TMEFF1: variants seen among roughly 807,000 people sequenced by gnomAD.
The protein encoded by TMEFF1 is transmembrane protein with EGF like and two follistatin like domains 1.
TMEFF1 carries 20 observed loss-of-function variants against 47.5 expected under a neutral mutation model. That is an observed-to-expected ratio of 0.42 (90% CI 0.30 to 0.61). The LOEUF is 0.61. TMEFF1 is among the 20% of genes least tolerant of loss of function. The pLI is 0.19. For synonymous variants in TMEFF1, 162 were observed against 166.3 expected, an observed-to-expected ratio of 0.97 and a Z score of 0.20; for missense variants, 411 against 471.1, an observed-to-expected ratio of 0.87 and a Z score of 1.18.
intron 5 of TMEFF1, chr9:100,518,557 T>C: frequency 4.2e-6 from 4 of 954,066 alleles, no homozygotes; most frequent in Non-Finnish European, 5.0e-6. Flanking sequence ...AGGAAATTGA[T>C]GCAACAAGAG....
At position 100,577,446 on chromosome 9, in the gene TMEFF1, G is replaced by T. The variant is rs1487116297; in HGVS notation, c.*846G>T. On this transcript the variant is annotated 3_prime_UTR_variant, in exon 10 of 10. Coordinates refer to ENST00000374879, the MANE Select transcript of TMEFF1 (RefSeq NM_003692.5). The stretch of plus-strand genomic sequence containing the variant: ...CAAGACGTATATCCAAATTTGTCCT[G>T]TAGTAATAGATTAATATTCATAGAT... The T allele has an allele frequency of 6.6e-6, 1 of 152,554 alleles. No homozygotes were observed. The highest frequency in any genetic ancestry group is 2.4e-5 in the African/African-American group (1 of 41,456). 9.5% of individuals were successfully genotyped at this position (152,554 alleles called of 1,614,324 possible). A position where few individuals can be genotyped will look rare whatever the true frequency, so the allele number is the denominator to read the frequency against.
At chr9:100,536,329 A>G (rs919983166) in intron 5 of TMEFF1, among the ~76,000 whole-genome samples, 2 of 152,220 alleles carry the variant, frequency 1.3e-5, no homozygotes, top group Admixed American at 1.3e-4. Flanking sequence ...TAGGGCTCAA[A>G]AAATTTTTTA....
intron 5 of TMEFF1, chr9:100,518,293 T>G: frequency 7.7e-6 from 2 of 259,020 alleles, no homozygotes; most frequent in Non-Finnish European, 1.2e-5. Context: ...AATACATATC[T>G]TTATGTAAAC....
intron 3 of TMEFF1, among the ~76,000 whole-genome samples, chr9:100,509,642 C>T (rs199758931): frequency 2.6e-5 from 4 of 151,968 alleles, no homozygotes; most frequent in Middle Eastern, 3.2e-3. Context: ...GGTGTGGTGG[C>T]GGGCACCTGT....
chr9:100,530,365 A>G (rs1838353726), intron 5 of TMEFF1, among the ~76,000 whole-genome samples: 1 of 152,174 alleles, frequency 6.6e-6, no homozygotes, highest in Admixed American at 6.5e-5. Flanking sequence ...AAAAAGAGAG[A>G]AGAATCAAAT....
rs527788408 is a variant in TMEFF1, at chr9:100,555,604, T to C, written c.775+5444T>C. On this transcript the variant is annotated intron_variant, in intron 7 of 9. Transcript: ENST00000374879. ...ATCTGTAATTAGGGACAGTAATATC[T>C]ACTACCTAAGATCACTATGAATATT... is the stretch of plus-strand genomic sequence containing the variant. Among the ~76,000 whole-genome samples, 2 of 152,330 alleles carry C rather than the reference T, an allele frequency of 1.3e-5. 1 individual carries two copies. The highest frequency in any genetic ancestry group is 4.8e-5 in the African/African-American group (2 of 41,570).
intron 8 of TMEFF1, among the ~76,000 whole-genome samples, chr9:100,571,728 A>G (rs1266290395): frequency 2.0e-5 from 3 of 152,152 alleles, no homozygotes; most frequent in Non-Finnish European, 4.4e-5. Context: ...TTACATGGTA[A>G]TACTTAATGA....
chr9:100,545,258 C>A (rs1187163887), intron 5 of TMEFF1, among the ~76,000 whole-genome samples: 1 of 152,224 alleles, frequency 6.6e-6, no homozygotes, highest in Non-Finnish European at 1.5e-5. Context: ...CAAACTTCTG[C>A]CTGGGCATCC....
intron 3 of TMEFF1, 149 bp downstream of exon 3, chr9:100,509,283 A>T: frequency 8.3e-7 from 1 of 1,206,106 alleles, no homozygotes; most frequent in Non-Finnish European, 1.1e-6. Flanking sequence ...TTTTGCCCTC[A>T]TTTCAGGTTG....
chr9:100,524,880 AT>A (rs1455422801), intron 5 of TMEFF1, among the ~76,000 whole-genome samples: 1 of 152,022 alleles, frequency 6.6e-6, no homozygotes, highest in Non-Finnish European at 1.5e-5. Flanking sequence ...TCCTAATGCT[AT>A]CCCTCCCCCA....
At chr9:100,528,253 C>T (rs1329087649) in intron 5 of TMEFF1, among the ~76,000 whole-genome samples, 8 of 151,276 alleles carry the variant, frequency 5.3e-5, no homozygotes, top group South Asian at 2.1e-4. Context: ...ATGACTTTGA[C>T]GAGCTGAGAG....
At chr9:100,534,503 C>A (rs1022291180) in intron 5 of TMEFF1, among the ~76,000 whole-genome samples, 1 of 152,180 alleles carries the variant, frequency 6.6e-6, no homozygotes, top group Non-Finnish European at 1.5e-5. Context: ...GGCATCCTGA[C>A]CTCTGCTACG....
At position 100,576,567 on chromosome 9, in the gene TMEFF1, T is replaced by C; in HGVS notation, c.1110T>C (p.His370=). 2.5e-6 allele frequency: 4 copies of C among 1,613,494 alleles called. No individual in the cohort carries two copies. Among genetic ancestry groups the C allele is most frequent in the Non-Finnish European group, 3.4e-6 (4 of 1,179,672 alleles). Residue 370 remains histidine (H), a synonymous_variant, in exon 10 of 10, where the codon CAT becomes CAC. Transcript: ENST00000374879. The part of the protein sequence containing the change: ...RGRRQKQNLG[H]FTSDTSSRMV ...GTCGACAGAAGCAAAACCTAGGTCA[T>C]TTTACTTCAGATACGTCATCCAGAA...
intron 5 of TMEFF1, among the ~76,000 whole-genome samples, chr9:100,545,414 T>C (rs1474277702): frequency 2.0e-5 from 3 of 152,194 alleles, no homozygotes; most frequent in Admixed American, 1.3e-4. Context: ...AAGCTCTACA[T>C]TGGTCCCTTT....
chr9:100,486,356 C>A (rs1837448995), intron 1 of TMEFF1, among the ~76,000 whole-genome samples: 1 of 152,188 alleles, frequency 6.6e-6, no homozygotes, highest in Non-Finnish European at 1.5e-5. Context: ...AATTCTCCTG[C>A]TTCAGCCTCC....
At chr9:100,530,464 G>A (rs1342294393) in intron 5 of TMEFF1, among the ~76,000 whole-genome samples, 5 of 152,240 alleles carry the variant, frequency 3.3e-5, no homozygotes, top group East Asian at 3.9e-4. Flanking sequence ...ACACCTCTAC[G>A]CAAATAAACT....
chr9:100,547,968 T>C, intron 6 of TMEFF1, 76 bp downstream of exon 6: 2 of 1,318,042 alleles, frequency 1.5e-6, no homozygotes, highest in Non-Finnish European at 2.0e-6. Context: ...CATTTGGTAG[T>C]GTTTCAAATT....
chr9:100,480,628 T>C (rs776909575), intron 1 of TMEFF1, among the ~76,000 whole-genome samples: 1 of 151,936 alleles, frequency 6.6e-6, no homozygotes, highest in Non-Finnish European at 1.5e-5. Flanking sequence ...AAAATGGACA[T>C]TGTAGATCTA....
chr9:100,549,014 C>T (rs575258041), intron 6 of TMEFF1, among the ~76,000 whole-genome samples: 1 of 152,248 alleles, frequency 6.6e-6, no homozygotes, highest in African/African-American at 2.4e-5. Flanking sequence ...GGAAAAGATG[C>T]ATATTTGAAT....
Sources: allele counts gnomAD v4.1 joint callset (sites outside exome capture counted in the v4.1 genomes callset), GRCh38; gene constraint gnomAD v4.1.1; transcripts MANE v1.5; gene names NCBI Gene and HGNC (gene_info 2026-07-23, HGNC 2026-07-21).